FHIT: variants seen among roughly 807,000 people sequenced by gnomAD.
The protein encoded by FHIT is bis(5'-adenosyl)-triphosphatase.
Under a neutral mutation model 17.9 loss-of-function variants are expected in FHIT, and 19 were observed. The observed-to-expected ratio is 1.06, with a 90% CI of 0.74 to 1.56. FHIT has a LOEUF of 1.56. Among genes scored for constraint, FHIT ranks in the 40% most tolerant of loss-of-function variants. The pLI is 0.00. For synonymous variants in FHIT, 81 were observed against 69.7 expected (o/e 1.16, Z -0.81); for missense variants, 248 against 189.2 (o/e 1.31, Z -1.82).
chr3:60,478,500 A>G (rs951320580), intron 5 of FHIT, among the ~76,000 whole-genome samples: 3 of 152,148 alleles, frequency 2.0e-5, no homozygotes, highest in South Asian at 4.1e-4. Flanking sequence ...TGCGGCAAAG[A>G]AAGTGCACTT....
intron 2 of FHIT, among the ~76,000 whole-genome samples, chr3:61,130,788 G>A (rs2106954451): frequency 6.6e-6 from 1 of 152,268 alleles, no homozygotes; most frequent in East Asian, 1.9e-4. Flanking sequence ...AGGCAGGGAG[G>A]TTGTTGAGTA....
chr3:60,227,524 C>T (rs999294921), intron 5 of FHIT, among the ~76,000 whole-genome samples: 3 of 152,106 alleles, frequency 2.0e-5, no homozygotes, highest in African/African-American at 7.2e-5. Flanking sequence ...TTTTGTGACA[C>T]CTGTATTTTT....
intron 5 of FHIT, among the ~76,000 whole-genome samples, chr3:60,118,052 C>G (rs150976943): frequency 1.9e-3 from 284 of 152,250 alleles, no homozygotes; most frequent in Non-Finnish European, 3.6e-3. Context: ...TATTATTTAT[C>G]TTTTAACAAA....
chr3:60,099,044 T>C (rs1230750110), intron 5 of FHIT, among the ~76,000 whole-genome samples: 3 of 152,182 alleles, frequency 2.0e-5, no homozygotes, highest in Admixed American at 1.3e-4. Context: ...CCACTGGCTC[T>C]CAAAGCCTCT....
chr3:60,846,762 A>G (rs1702938985), intron 3 of FHIT, among the ~76,000 whole-genome samples: 1 of 152,312 alleles, frequency 6.6e-6, no homozygotes, highest in South Asian at 2.1e-4. Flanking sequence ...TTCACATTTC[A>G]TAACTTGGAC....
intron 5 of FHIT, among the ~76,000 whole-genome samples, chr3:60,248,650 G>T (rs1705528531): frequency 6.6e-6 from 1 of 152,096 alleles, no homozygotes; most frequent in African/African-American, 2.4e-5. Flanking sequence ...TTAAGATAGG[G>T]TGCCAAAAAA....
chr3:60,559,400 C>T (rs1034108440), intron 4 of FHIT, among the ~76,000 whole-genome samples: 3 of 152,202 alleles, frequency 2.0e-5, no homozygotes, highest in Admixed American at 6.5e-5. Flanking sequence ...TGCTGTGGCA[C>T]GCACTCTCAG....
chr3:59,824,146 A>C (rs1700895185), intron 8 of FHIT, among the ~76,000 whole-genome samples: 1 of 152,240 alleles, frequency 6.6e-6, no homozygotes, highest in African/African-American at 2.4e-5. Context: ...AAGAGGTGAA[A>C]GAGTGTACAA....
intron 2 of FHIT, among the ~76,000 whole-genome samples, chr3:61,157,873 G>A (rs2037576472): frequency 6.6e-6 from 1 of 152,182 alleles, no homozygotes; most frequent in South Asian, 2.1e-4. Context: ...ATGAACATGA[G>A]GTTAGTAGTT....
rs563930477 is a variant in FHIT at position 59,834,742 on chromosome 3, G to A, written c.349-82421C>T. Among the ~76,000 whole-genome samples the A allele has an allele frequency of 9.8e-4, 149 of 152,150 alleles. 1 individual carries two copies. The highest frequency in any genetic ancestry group is 3.5e-3 in the African/African-American group (146 of 41,512). ...TCCCACCTTCAAACACCATCACAAT[G>A]GAGATTATATTTCAACATATGAATT... On this transcript the variant is annotated intron_variant, in intron 8 of 9. Coordinates refer to ENST00000492590, the MANE Select transcript of FHIT (RefSeq NM_002012.4).
At chr3:61,096,089 G>T (rs1461510779) in intron 2 of FHIT, among the ~76,000 whole-genome samples, 2 of 152,166 alleles carry the variant, frequency 1.3e-5, no homozygotes, top group Non-Finnish European at 2.9e-5. Context: ...CAAAGTAGAT[G>T]CACTCATAAC....
intron 5 of FHIT, among the ~76,000 whole-genome samples, chr3:60,180,529 T>G (rs1192050273): frequency 6.6e-6 from 1 of 152,202 alleles, no homozygotes; most frequent in Non-Finnish European, 1.5e-5. Context: ...TTTTCTAGTC[T>G]TCAAGAAATA....
chr3:60,185,976 G>C (rs1358980307), intron 5 of FHIT, among the ~76,000 whole-genome samples: 5 of 152,086 alleles, frequency 3.3e-5, no homozygotes, highest in African/African-American at 1.2e-4. Context: ...CAGATCTTTT[G>C]ATCATTTTTA....
chr3:60,295,762 A>G (rs1435483983), intron 5 of FHIT, among the ~76,000 whole-genome samples: 1 of 152,124 alleles, frequency 6.6e-6, no homozygotes, highest in Non-Finnish European at 1.5e-5. Flanking sequence ...TTACATTCTT[A>G]CCAGCAAAGA....
At chr3:60,276,790 A>G (rs1298443474) in intron 5 of FHIT, among the ~76,000 whole-genome samples, 3 of 152,176 alleles carry the variant, frequency 2.0e-5, no homozygotes, top group African/African-American at 7.2e-5. Flanking sequence ...GCGAGCCAGC[A>G]TGTCACAGGG....
chr3:61,152,267 C>G (rs1450404175), intron 2 of FHIT, among the ~76,000 whole-genome samples: 1 of 152,148 alleles, frequency 6.6e-6, no homozygotes, highest in Non-Finnish European at 1.5e-5. Context: ...GAAGAATCCT[C>G]AGAGATAACA....
At chr3:60,636,807 T>C (rs1276529118) in intron 4 of FHIT, among the ~76,000 whole-genome samples, 1 of 152,312 alleles carries the variant, frequency 6.6e-6, no homozygotes, top group East Asian at 1.9e-4. Flanking sequence ...GAAGGTTTTC[T>C]CTTGGTCTTT....
intron 5 of FHIT, among the ~76,000 whole-genome samples, chr3:60,361,851 T>C (rs930850606): frequency 1.3e-5 from 2 of 152,216 alleles, no homozygotes; most frequent in Admixed American, 1.3e-4. Context: ...TGAGCTGTAC[T>C]ATCTCATATC....
intron 8 of FHIT, among the ~76,000 whole-genome samples, chr3:59,809,845 T>C (rs75871341): frequency 0.028 from 4,246 of 152,260 alleles, 180 homozygotes; most frequent in African/African-American, 0.094. Flanking sequence ...TCCTCCTTTG[T>C]TCCCCGCTCT....
Sources: gnomAD v4.1 joint callset for allele counts (sites outside exome capture counted in the v4.1 genomes callset) on GRCh38, gnomAD v4.1.1 for gene constraint, MANE v1.5 for transcripts, NCBI Gene and HGNC (gene_info 2026-07-23, HGNC 2026-07-21) for gene names.